PCDHGA11: variants seen among roughly 807,000 people sequenced by gnomAD.
The protein encoded by PCDHGA11 is protocadherin gamma subfamily A, 11, also known as protocadherin gamma-A11.
In PCDHGA11, 39 loss-of-function variants were observed where a neutral mutation model predicts 60.4. That is an observed-to-expected ratio of 0.65 (90% CI 0.50 to 0.84). The LOEUF is 0.84. PCDHGA11 is among the 40% of genes least tolerant of loss of function. The probability of loss-of-function intolerance (pLI) is 0.00; values close to 1 mark genes in which losing one functional copy is unlikely to be tolerated. For missense variants in PCDHGA11, 1,165 were observed against 1,197.7 expected (o/e 0.97, Z 0.40); for synonymous variants, 533 against 510.3 (o/e 1.04, Z -0.60).
intron 2 of PCDHGA11, among the ~76,000 whole-genome samples, chr5:141,501,212 A>G (rs936235563): frequency 1.9e-4 from 29 of 150,770 alleles, no homozygotes; most frequent in Admixed American, 1.8e-3. Flanking sequence ...TGTCAGGGTG[A>G]CTTCCTAGAT....
In PCDHGA11 at chr5:141,472,879, G is replaced by A. The variant is rs541980402; in HGVS notation, c.2434-21928G>A. Among the ~76,000 whole-genome samples the A allele has an allele frequency of 3.3e-5, 5 of 151,694 alleles. No homozygotes were observed. The South Asian group carries it at 6.2e-4, about 19-fold the overall frequency. ...CACATGCCTGTATTCCCAGCTACTC[G>A]GGAGGCTGAGGCAGGAGAATTGCTT... On this transcript the variant is annotated intron_variant, in intron 1 of 3. Coordinates refer to ENST00000398587, the MANE Select transcript of PCDHGA11 (RefSeq NM_018914.3).
At chr5:141,500,355 C>G (rs539892249) in intron 2 of PCDHGA11, among the ~76,000 whole-genome samples, 2 of 151,912 alleles carry the variant, frequency 1.3e-5, no homozygotes, top group Non-Finnish European at 2.9e-5. Flanking sequence ...ACTACAGGCG[C>G]CCACTACCAC....
At chr5:141,483,207 A>G (rs1225621725) in intron 1 of PCDHGA11, among the ~76,000 whole-genome samples, 1 of 152,224 alleles carries the variant, frequency 6.6e-6, no homozygotes, top group African/African-American at 2.4e-5. Context: ...TATTCCATAT[A>G]GATGACAGTC....
intron 1 of PCDHGA11, among the ~76,000 whole-genome samples, chr5:141,469,403 C>T (rs902543178): frequency 4.6e-5 from 7 of 152,060 alleles, no homozygotes; most frequent in South Asian, 2.1e-4. Context: ...GGTGAAACCC[C>T]GTTTCTACTA....
chr5:141,486,089 G>T lies in PCDHGA11; in HGVS notation c.2434-8718G>T, dbSNP rs2099624123. On this transcript the variant is annotated intron_variant, in intron 1 of 3. Coordinates refer to ENST00000398587, the MANE Select transcript of PCDHGA11 (RefSeq NM_018914.3). The surrounding 1 kb of genome is among the most constrained non-coding windows in gnomAD (Gnocchi z 5.0). ...CACTACTGGAAAGCTTACTCTTTTG[G>T]GGCCCCTAGACTTTGAGAGTGAGAA... is the stretch of plus-strand genomic sequence containing the variant. 1 of 1,614,084 alleles carries T rather than the reference G, an allele frequency of 6.2e-7. No individual in the cohort carries two copies. The highest frequency in any genetic ancestry group is 8.5e-7 in the Non-Finnish European group (1 of 1,180,014).
rs1235728365 is a variant in PCDHGA11 at position 141,485,502 on chromosome 5, C to T, written c.2434-9305C>T. ...TGCATCGTGCCCCTGGAGTTTGTCACCGAAGGTCCTTTGGAAATGTACCGA... is the reference window on the plus strand; with the variant it reads ...TGCATCGTGCCCCTGGAGTTTGTCATCGAAGGTCCTTTGGAAATGTACCGA... On this transcript the variant is annotated intron_variant, in intron 1 of 3. Transcript: ENST00000398587. This position sits in a 1 kb window ranked among gnomAD's most constrained non-coding sequence, Gnocchi z 5.7. 2 of 1,614,114 alleles carry T rather than the reference C, an allele frequency of 1.2e-6. No homozygotes were observed. Among genetic ancestry groups the T allele is most frequent in the Non-Finnish European group, 8.5e-7 (1 of 1,180,044 alleles).
chr5:141,485,095 TC>T lies in PCDHGA11; in HGVS notation c.2434-9710del, dbSNP rs1040164730. ...GCGCGGGGAAAGGGAGATAGGTGTCTCCAGCTGCTGTGGCTGTTTGGGGCGG... is the reference window on the plus strand; with the variant it reads ...GCGCGGGGAAAGGGAGATAGGTGTCTCAGCTGCTGTGGCTGTTTGGGGCGG... On this transcript the variant is annotated intron_variant, in intron 1 of 3. Coordinates refer to ENST00000398587, the MANE Select transcript of PCDHGA11 (RefSeq NM_018914.3). This position sits in a 1 kb window ranked among gnomAD's most constrained non-coding sequence, Gnocchi z 5.7. 6.8e-5 allele frequency: 76 copies of T among 1,115,798 alleles called. No homozygotes were observed. Among genetic ancestry groups the T allele is most frequent in the South Asian group, 4.6e-4 (33 of 71,042 alleles). The allele number at this position is 1,115,798 out of a possible 1,614,324, so 69.1% of individuals were successfully genotyped here. A position where few individuals can be genotyped will look rare whatever the true frequency, so the allele number is the denominator to read the frequency against.
In PCDHGA11 at chr5:141,487,494, C is replaced by T. The variant is rs116370895; in HGVS notation, c.2434-7313C>T. 12 of 1,614,120 alleles carry T rather than the reference C, an allele frequency of 7.4e-6. No individual in the cohort carries two copies. The East Asian group carries it at 1.1e-4, about 15-fold the overall frequency. On this transcript the variant is annotated intron_variant, in intron 1 of 3. Transcript: ENST00000398587. The surrounding 1 kb of genome is among the most constrained non-coding windows in gnomAD (Gnocchi z 5.0). Reference sequence around the variant, plus strand: ...GGAGGCCACTCTCATGGCTGTACACCCTTGGCTTCTGCACCCACTCGGAGT... The same window carrying T: ...GGAGGCCACTCTCATGGCTGTACACTCTTGGCTTCTGCACCCACTCGGAGT...
At chr5:141,458,820 C>T (rs2098954225) in intron 1 of PCDHGA11, among the ~76,000 whole-genome samples, 1 of 152,070 alleles carries the variant, frequency 6.6e-6, no homozygotes, top group African/African-American at 2.4e-5. Flanking sequence ...GCAACCTCTG[C>T]CTCCCAGGCT....
At chr5:141,449,106 T>A (rs2154562506) in intron 1 of PCDHGA11, among the ~76,000 whole-genome samples, 2 of 152,314 alleles carry the variant, frequency 1.3e-5, no homozygotes, top group East Asian at 3.9e-4. Context: ...ATGCAGTATA[T>A]CTTTGGGATG....
chr5:141,457,413 A>C (rs939244132), intron 1 of PCDHGA11, among the ~76,000 whole-genome samples: 6 of 152,142 alleles, frequency 3.9e-5, no homozygotes, highest in Non-Finnish European at 5.9e-5. Flanking sequence ...CACATTACCC[A>C]TCCCTTTTTC....
At chr5:141,427,239 G>C (rs1160872088) in intron 1 of PCDHGA11, 1 of 456,746 alleles carries the variant, frequency 2.2e-6, no homozygotes, top group East Asian at 6.9e-5. Flanking sequence ...GAGAGTAGAA[G>C]CTAAGGATGG....
rs2099170089 is a variant in PCDHGA11, at chr5:141,468,602, C to T, written c.2434-26205C>T. On this transcript the variant is annotated intron_variant, in intron 1 of 3. Coordinates refer to ENST00000398587, the MANE Select transcript of PCDHGA11 (RefSeq NM_018914.3). ...GTACTAAAGGCTGGGCGCGGTGGCT[C>T]ACGCCTGTAATCCCAGCACTTTGGG... The T allele has an allele frequency of 2.6e-5, 4 of 152,284 alleles. No individual in the cohort carries two copies. The South Asian group carries it at 8.3e-4, about 32-fold the overall frequency. 9.4% of individuals were successfully genotyped at this position (152,284 alleles called of 1,614,324 possible).
At chr5:141,428,034 T>A (rs768728101) in intron 1 of PCDHGA11, 8 of 1,607,778 alleles carry the variant, frequency 5.0e-6, no homozygotes, top group Middle Eastern at 1.7e-4. Context: ...AGAGTCCGGC[T>A]ACCTGGTGAC....
intron 1 of PCDHGA11, among the ~76,000 whole-genome samples, chr5:141,462,650 TC>T (rs1254671361): frequency 7.3e-6 from 1 of 137,262 alleles, no homozygotes; most frequent in African/African-American, 3.0e-5. Context: ...ATTTCCATCC[TC>T]AATTATCTTC....
chr5:141,431,553 A>T lies in PCDHGA11; in HGVS notation c.2433+7893A>T, dbSNP rs762863300. On this transcript the variant is annotated intron_variant, in intron 1 of 3. Coordinates refer to ENST00000398587, the MANE Select transcript of PCDHGA11 (RefSeq NM_018914.3). The surrounding 1 kb of genome is among the most constrained non-coding windows in gnomAD (Gnocchi z 4.8). Reference sequence around the variant, plus strand: ...TTGGGCACGCAGCTGCTTGTAGTCAACGCTACCGACCCTGACGAAGGAGTC... The same window carrying T: ...TTGGGCACGCAGCTGCTTGTAGTCATCGCTACCGACCCTGACGAAGGAGTC... The T allele has an allele frequency of 1.1e-5, 18 of 1,613,994 alleles. 1 individual carries two copies. Among genetic ancestry groups the T allele is most frequent in the Non-Finnish European group, 3.4e-6 (4 of 1,180,028 alleles).
At chr5:141,433,195 T>C (rs765385329) in intron 1 of PCDHGA11, 8 of 1,582,476 alleles carry the variant, frequency 5.1e-6, no homozygotes, top group Non-Finnish European at 6.9e-6. Flanking sequence ...TGAGTTTATA[T>C]CAAATCTTCT....
chr5:141,490,405 ATC>A lies in PCDHGA11; in HGVS notation c.2434-4397_2434-4396del, dbSNP rs765446736. 1 of 1,614,142 alleles carries A rather than the reference ATC, an allele frequency of 6.2e-7. No individual in the cohort carries two copies. The highest frequency in any genetic ancestry group is 8.5e-7 in the Non-Finnish European group (1 of 1,180,028). ...TAGAAATGGTGAAGTGAGCCTTGATATCTCTCCGGACCTGCCATTTCAGATTA... is the reference window on the plus strand; with the variant it reads ...TAGAAATGGTGAAGTGAGCCTTGATATCTCCGGACCTGCCATTTCAGATTA... On this transcript the variant is annotated intron_variant, in intron 1 of 3. Transcript: ENST00000398587. The surrounding 1 kb of genome is among the most constrained non-coding windows in gnomAD (Gnocchi z 5.4).
At chr5:141,441,638 G>A (rs1456506194) in intron 1 of PCDHGA11, 2 of 226,008 alleles carry the variant, frequency 8.8e-6, no homozygotes, top group Non-Finnish European at 1.8e-5. Flanking sequence ...AGCCACAGGC[G>A]CTGTGATTCT....
Sources: gnomAD v4.1 joint callset for allele counts (sites outside exome capture counted in the v4.1 genomes callset) on GRCh38, gnomAD v4.1.1 for gene constraint, Gnocchi (gnomAD v3.1) non-coding constraint, MANE v1.5 for transcripts, NCBI Gene and HGNC (gene_info 2026-07-23, HGNC 2026-07-21) for gene names.